The following NR4A1 variants were observed in gnomAD, a reference collection of about 807,000 sequenced individuals.
NR4A1 encodes the protein nuclear receptor subfamily 4immunitygroup A member 1.
Under a neutral mutation model 47.5 loss-of-function variants are expected in NR4A1, and 24 were observed. That is an observed-to-expected ratio of 0.50 (90% confidence interval 0.37 to 0.71). The LOEUF is 0.71. Ranked by LOEUF, NR4A1 falls within the 30% of genes least tolerant of loss-of-function variation. The probability of loss-of-function intolerance (pLI) is 0.00; values close to 1 mark genes in which losing one functional copy is unlikely to be tolerated. For missense variants in NR4A1, 669 were observed against 788.6 expected, an observed-to-expected ratio of 0.85 and a Z score of 1.82; for synonymous variants, 353 against 345.7, an observed-to-expected ratio of 1.02 and a Z score of -0.24.
At chr12:52,054,163 C>T in intron 1 of NR4A1, 164 bp from the exon 2 acceptor site, 1 of 630,198 alleles carries the variant, frequency 1.6e-6, no homozygotes, top group Non-Finnish European at 2.7e-6. Flanking sequence ...GTACTCAGGC[C>T]AGGGGTCAGG....
At chr12:52,053,379 C>T (rs1479272962) in intron 1 of NR4A1, 1 of 152,078 alleles carries the variant, frequency 6.6e-6, no homozygotes, top group Non-Finnish European at 1.5e-5. Context: ...TCCACCCACC[C>T]ACCAGCAGGC....
chr12:52,046,645 C>T (rs909307231), upstream of NR4A1, among the ~76,000 whole-genome samples: 2 of 152,182 alleles, frequency 1.3e-5, no homozygotes, highest in South Asian at 2.1e-4. Flanking sequence ...GCATCTGGAT[C>T]CATATGAAGA....
chr12:52,036,119 T>C (rs1362399693), intron 1 of NR4A1, among the ~76,000 whole-genome samples: 4 of 152,122 alleles, frequency 2.6e-5, no homozygotes, highest in African/African-American at 9.7e-5. Flanking sequence ...CCCAATCCCA[T>C]TGCTCCAACT....
At chr12:52,033,073 G>T (rs1471981550) in intron 1 of NR4A1, among the ~76,000 whole-genome samples, 1 of 152,352 alleles carries the variant, frequency 6.6e-6, no homozygotes. Context: ...GGTGTTGACC[G>T]AGCCGCAGCT....
upstream of NR4A1, among the ~76,000 whole-genome samples, chr12:52,049,499 G>T (rs1008141596): frequency 1.3e-5 from 2 of 152,180 alleles, no homozygotes; most frequent in Non-Finnish European, 2.9e-5. Context: ...GCTGGCAGTA[G>T]GAAAGCGGGA....
intron 1 of NR4A1, among the ~76,000 whole-genome samples, chr12:52,026,313 G>C (rs1937998867): frequency 6.6e-6 from 1 of 152,228 alleles, no homozygotes. Flanking sequence ...AAATTGCAAG[G>C]CTAAATGAAG....
intron 1 of NR4A1, among the ~76,000 whole-genome samples, chr12:52,023,786 A>G (rs757335789): frequency 6.6e-6 from 1 of 151,680 alleles, no homozygotes; most frequent in Non-Finnish European, 1.5e-5. Flanking sequence ...GCCGCTCCTC[A>G]CAGGGTGCTG....
At position 52,037,530 on chromosome 12, in the gene NR4A1, G is replaced by A. The variant is rs1435888984; in HGVS notation, c.-83-4280G>A. 3 of 981,096 alleles carry A rather than the reference G, an allele frequency of 3.1e-6. No individual in the cohort carries two copies. In the East Asian group the frequency reaches 3.4e-4, roughly 112 times the overall value. 60.8% of individuals were successfully genotyped at this position (981,096 alleles called of 1,614,324 possible). A position where few individuals can be genotyped will look rare whatever the true frequency, so the allele number is the denominator to read the frequency against. The stretch of plus-strand genomic sequence containing the variant: ...CGGTGGATGCCTTTGGGCGGGCTCG[G>A]GGCCACGCCGGAGTCCCGCTTGGAA... On this transcript the variant is annotated intron_variant, in intron 1 of 7. Coordinates refer to the NR4A1 transcript ENST00000360284.
intron 1 of NR4A1, among the ~76,000 whole-genome samples, chr12:52,040,209 G>A (rs545469780): frequency 6.6e-6 from 1 of 152,298 alleles, no homozygotes; most frequent in South Asian, 2.1e-4. Flanking sequence ...TGCTTGTGAT[G>A]TGACTATTGA....
At chr12:52,036,178 G>A (rs1211551637) in intron 1 of NR4A1, among the ~76,000 whole-genome samples, 1 of 152,194 alleles carries the variant, frequency 6.6e-6, no homozygotes, top group Non-Finnish European at 1.5e-5. Flanking sequence ...AGCTGCTGGG[G>A]GAGAAGGATT....
At chr12:52,037,769 G>C (rs1169029308) in intron 1 of NR4A1, 2 of 985,508 alleles carry the variant, frequency 2.0e-6, no homozygotes, top group Middle Eastern at 5.2e-4. Flanking sequence ...CGTCTGCCAG[G>C]AGACCCAGCC....
intron 1 of NR4A1, chr12:52,054,112 G>A: frequency 1.8e-6 from 1 of 563,900 alleles, no homozygotes; most frequent in South Asian, 2.5e-5. Flanking sequence ...CACTCATGCT[G>A]GGCCGCTGCC....
rs747318750 is a variant in NR4A1 at position 52,055,404 on chromosome 12, C to T, written c.876+200C>T. 490 of 669,726 alleles carry T rather than the reference C, an allele frequency of 7.3e-4. 1 individual carries two copies. Among genetic ancestry groups the T allele is most frequent in the Non-Finnish European group, 1.1e-3 (436 of 396,484 alleles). 41.5% of individuals were successfully genotyped at this position (669,726 alleles called of 1,614,324 possible). On this transcript the variant is annotated intron_variant, in intron 2 of 6. Transcript: ENST00000394825. ...GGAAGCTTTCATTTGCCGGGACACT[C>T]GGGCCCATGGGATTGCACAGAGCTG...
Position 52,036,124 on chromosome 12 carries a change from C to T in NR4A1, c.-83-5686C>T, listed in dbSNP as rs886476040. On this transcript the variant is annotated intron_variant, in intron 1 of 7. Coordinates refer to the NR4A1 transcript ENST00000360284. ...CCCAGCCAGCCCCAATCCCATTGCT[C>T]CAACTTTGGCCGGGCCTTCCTGACC... 2.8e-4 allele frequency among the ~76,000 whole-genome samples: 43 copies of T among 152,280 alleles called. 1 individual carries two copies. The highest frequency in any genetic ancestry group is 1.6e-3 in the Admixed American group (25 of 15,300).
At chr12:52,023,253 G>T (rs1163248206) in intron 1 of NR4A1, among the ~76,000 whole-genome samples, 1 of 152,198 alleles carries the variant, frequency 6.6e-6, no homozygotes, top group African/African-American at 2.4e-5. Context: ...GGGGGCTGGC[G>T]GTGCGGCTCG....
chr12:52,045,548 C>G (rs902043451), intron 2 of NR4A1: 32 of 452,600 alleles, frequency 7.1e-5, no homozygotes, highest in Non-Finnish European at 8.9e-6. Context: ...CCTCTCCTTT[C>G]CATTGTGAAC....
chr12:52,048,809 T>C (rs1384114532), upstream of NR4A1, among the ~76,000 whole-genome samples: 1 of 152,124 alleles, frequency 6.6e-6, no homozygotes, highest in East Asian at 1.9e-4. Flanking sequence ...GAATTCTATA[T>C]GTGGTTTTAA....
upstream of NR4A1, among the ~76,000 whole-genome samples, chr12:52,048,847 C>T (rs1938783406): frequency 1.3e-5 from 2 of 151,682 alleles, no homozygotes; most frequent in East Asian, 3.9e-4. Flanking sequence ...GCTGTGGAGT[C>T]ATTTTCCACA....
intron 1 of NR4A1, among the ~76,000 whole-genome samples, chr12:52,026,934 G>T (rs1938012261): frequency 1.3e-5 from 2 of 152,188 alleles, no homozygotes; most frequent in African/African-American, 4.8e-5. Flanking sequence ...GGGCAGGGCT[G>T]ATGGGGTTGA....
Sources: gnomAD v4.1 joint callset for allele counts (sites outside exome capture counted in the v4.1 genomes callset) on GRCh38, gnomAD v4.1.1 for gene constraint, MANE v1.5 for transcripts, NCBI Gene and HGNC (gene_info 2026-07-23, HGNC 2026-07-21) for gene names.